Variants in RBFOX1 observed in about 807,000 individuals in gnomAD.
The protein encoded by RBFOX1 is RNA binding protein fox-1 homolog 1.
In RBFOX1, 8 loss-of-function variants were observed where a neutral mutation model predicts 57.7. The ratio of observed to expected loss-of-function variants is 0.14; its 90% confidence interval spans 0.08 to 0.25. The LOEUF (loss-of-function observed/expected upper bound fraction) is 0.25, where lower values mean the gene tolerates loss of function less well. RBFOX1 is among the 10% of genes least tolerant of loss of function. RBFOX1 has a pLI of 1.00. For synonymous variants in RBFOX1, 326 were observed against 222.4 expected (o/e 1.47, Z -4.15); for missense variants, 611 against 548.5 (o/e 1.11, Z -1.14).
chr16:5,265,415 T>C (rs1387288609), intron 1 of RBFOX1, among the ~76,000 whole-genome samples: 5 of 152,218 alleles, frequency 3.3e-5, no homozygotes, highest in Non-Finnish European at 7.3e-5. Flanking sequence ...ACCAATTATA[T>C]TAAAACACGA....
At chr16:7,597,922 A>C (rs2094793050) in intron 9 of RBFOX1, among the ~76,000 whole-genome samples, 1 of 152,132 alleles carries the variant, frequency 6.6e-6, no homozygotes, top group Non-Finnish European at 1.5e-5. Context: ...AGAATGTGTG[A>C]GTGGGTTATT....
chr16:5,292,257 C>T (rs537408277), intron 1 of RBFOX1, among the ~76,000 whole-genome samples: 1 of 152,308 alleles, frequency 6.6e-6, no homozygotes, highest in Admixed American at 6.5e-5. Context: ...TCCCAGCTTG[C>T]TTTCATTTGA....
chr16:7,566,040 G>C (rs914555979), intron 5 of RBFOX1, among the ~76,000 whole-genome samples: 7 of 152,166 alleles, frequency 4.6e-5, no homozygotes, highest in Admixed American at 3.9e-4. Context: ...AGGGGCTTTT[G>C]ATATAGTGCA....
chr16:5,575,058 T>G (rs556952668), intron 2 of RBFOX1, among the ~76,000 whole-genome samples: 2 of 152,302 alleles, frequency 1.3e-5, no homozygotes, highest in East Asian at 3.9e-4. Context: ...ATTCACCTTG[T>G]GATATAACAG....
intron 3 of RBFOX1, among the ~76,000 whole-genome samples, chr16:6,707,486 T>G (rs574603628): frequency 2.0e-5 from 3 of 151,486 alleles, no homozygotes; most frequent in South Asian, 2.1e-4. Flanking sequence ...TTGTTTTTTT[T>G]TTTTTTTTGC....
At chr16:7,441,062 A>G (rs572332421) in intron 4 of RBFOX1, among the ~76,000 whole-genome samples, 1 of 151,986 alleles carries the variant, frequency 6.6e-6, no homozygotes, top group South Asian at 2.1e-4. Context: ...AAAAAAAAAG[A>G]CAGCTGTTAT....
At chr16:6,693,031 C>A (rs1295195564) in intron 3 of RBFOX1, among the ~76,000 whole-genome samples, 1 of 151,662 alleles carries the variant, frequency 6.6e-6, no homozygotes, top group African/African-American at 2.4e-5. Context: ...CAACATCATC[C>A]CCATCCACTA....
intron 3 of RBFOX1, among the ~76,000 whole-genome samples, chr16:5,707,969 A>G (rs1271656208): frequency 6.6e-6 from 1 of 152,170 alleles, no homozygotes; most frequent in African/African-American, 2.4e-5. Context: ...AGGGACCATA[A>G]TACTCATCTC....
intron 14 of RBFOX1, among the ~76,000 whole-genome samples, chr16:7,700,085 A>C (rs1228747590): frequency 6.6e-6 from 1 of 152,018 alleles, no homozygotes; most frequent in Non-Finnish European, 1.5e-5. Context: ...GTTTTGTCTT[A>C]ATCTTTGATC....
intron 2 of RBFOX1, among the ~76,000 whole-genome samples, chr16:6,617,639 G>T (rs750973781): frequency 1.7e-4 from 26 of 152,110 alleles, no homozygotes; most frequent in Non-Finnish European, 2.5e-4. Context: ...TGTTCCAGGT[G>T]TCAGAGCCCA....
intron 3 of RBFOX1, among the ~76,000 whole-genome samples, chr16:6,861,492 C>A (rs562917687): frequency 1.3e-4 from 20 of 151,254 alleles, no homozygotes; most frequent in Non-Finnish European, 2.7e-4. Flanking sequence ...CCCCCTCCCC[C>A]CCCGACTCAA....
chr16:7,395,001 A>G (rs937065373), intron 4 of RBFOX1, among the ~76,000 whole-genome samples: 1 of 152,176 alleles, frequency 6.6e-6, no homozygotes. Flanking sequence ...GAGGAAATGT[A>G]ATGGGCTGTG....
intron 1 of RBFOX1, chr16:5,261,087 A>G (rs2062720327): frequency 6.6e-6 from 1 of 152,208 alleles, no homozygotes; most frequent in Non-Finnish European, 1.5e-5. Flanking sequence ...AAAATAAACA[A>G]GAAGTTATAT....
intron 14 of RBFOX1, among the ~76,000 whole-genome samples, chr16:7,689,342 T>G (rs2076831062): frequency 6.6e-6 from 1 of 152,118 alleles, no homozygotes; most frequent in Non-Finnish European, 1.5e-5. Context: ...CAGGTGAGCT[T>G]TGAAGTGAAA....
intron 1 of RBFOX1, among the ~76,000 whole-genome samples, chr16:6,112,314 A>G (rs1011965842): frequency 6.6e-6 from 1 of 152,206 alleles, no homozygotes; most frequent in Non-Finnish European, 1.5e-5. Flanking sequence ...TCAAATGTTT[A>G]TCCGATATGT....
At chr16:5,816,642 G>C (rs773605293) in intron 3 of RBFOX1, among the ~76,000 whole-genome samples, 1 of 152,144 alleles carries the variant, frequency 6.6e-6, no homozygotes, top group Non-Finnish European at 1.5e-5. Flanking sequence ...AAATTAGCCA[G>C]ATGTCATGGA....
intron 1 of RBFOX1, among the ~76,000 whole-genome samples, chr16:6,103,281 C>G (rs1036445754): frequency 6.6e-6 from 1 of 152,144 alleles, no homozygotes; most frequent in African/African-American, 2.4e-5. Context: ...CTATTACTTT[C>G]ATTCTGCAGT....
At chr16:5,404,720 G>A (rs2066814992) in intron 1 of RBFOX1, among the ~76,000 whole-genome samples, 2 of 152,178 alleles carry the variant, frequency 1.3e-5, no homozygotes, top group Non-Finnish European at 2.9e-5. Context: ...GTTTTGTGGT[G>A]CATGCTGTCT....
intron 4 of RBFOX1, among the ~76,000 whole-genome samples, chr16:7,166,751 T>C (rs1201939883): frequency 2.6e-5 from 4 of 151,966 alleles, no homozygotes; most frequent in African/African-American, 9.7e-5. Flanking sequence ...AGCAGCATCC[T>C]TGGATGAGTG....
Sources: allele counts gnomAD v4.1 joint callset (sites outside exome capture counted in the v4.1 genomes callset), GRCh38; gene constraint gnomAD v4.1.1; transcripts MANE v1.5; gene names NCBI Gene and HGNC (gene_info 2026-07-23, HGNC 2026-07-21).